The following KAT7 variants were observed in gnomAD, a reference collection of about 807,000 sequenced individuals.
The protein encoded by KAT7 is lysine acetyltransferase 7.
KAT7 carries 10 observed loss-of-function variants against 82.1 expected under a neutral mutation model. The observed-to-expected ratio is 0.12, with a 90% confidence interval of 0.08 to 0.21. The LOEUF (loss-of-function observed/expected upper bound fraction) is 0.21, where lower values mean the gene tolerates loss of function less well. Among genes scored for constraint, KAT7 ranks in the 10% least tolerant of loss-of-function variants. KAT7 has a pLI of 1.00. For synonymous variants in KAT7, 250 were observed against 262.5 expected, an observed-to-expected ratio of 0.95 and a Z score of 0.46; for missense variants, 378 against 760.9, an observed-to-expected ratio of 0.50 and a Z score of 5.92.
chr17:49,813,374 C>G (rs1160260380), intron 7 of KAT7, among the ~76,000 whole-genome samples: 2 of 152,162 alleles, frequency 1.3e-5, no homozygotes, highest in East Asian at 1.9e-4. Context: ...TTTATGGCTG[C>G]TCTTTTAGAT....
chr17:49,803,456 G>A (rs1044080177), intron 4 of KAT7, among the ~76,000 whole-genome samples: 12 of 150,938 alleles, frequency 8.0e-5, no homozygotes, highest in South Asian at 2.1e-4. Flanking sequence ...ATGGAGTCTC[G>A]CTTTGTCACC....
At chr17:49,790,148 T>C (rs1408157391) in intron 1 of KAT7, among the ~76,000 whole-genome samples, 2 of 152,190 alleles carry the variant, frequency 1.3e-5, no homozygotes, top group Non-Finnish European at 2.9e-5. Flanking sequence ...GTACACTTTT[T>C]AATGTCTCCT....
rs192731080 is a variant in KAT7, at chr17:49,794,993, A to G, written c.164-1757A>G. Among the ~76,000 whole-genome samples the G allele has an allele frequency of 1.2e-3, 175 of 152,108 alleles. 1 individual carries two copies. The highest frequency in any genetic ancestry group is 3.8e-4 in the Non-Finnish European group (26 of 68,004). ...TTCAGTTTTCTTCTTTAGAGAATCT[A>G]TAAGATTTCTTCAGATTTTTTTTTT... On this transcript the variant is annotated intron_variant, in intron 2 of 14. Transcript: ENST00000259021.
intron 12 of KAT7, 34 bp from the exon 13 acceptor site, chr17:49,825,966 T>G: frequency 6.3e-7 from 1 of 1,589,708 alleles, no homozygotes; most frequent in East Asian, 2.3e-5. Flanking sequence ...AGATCGAGTG[T>G]TGCTAGAAAA....
At chr17:49,817,374 A>T (rs545016970) in intron 8 of KAT7, among the ~76,000 whole-genome samples, 3 of 152,270 alleles carry the variant, frequency 2.0e-5, no homozygotes, top group African/African-American at 7.2e-5. Flanking sequence ...TTTTTCATGT[A>T]GCTCTCTTTA....
At chr17:49,817,794 T>G in intron 8 of KAT7, 26 bp from the exon 9 acceptor site, 1 of 1,592,644 alleles carries the variant, frequency 6.3e-7, no homozygotes, top group Non-Finnish European at 8.6e-7. Context: ...CTGATCCTCC[T>G]TTGACTTTTG....
intron 9 of KAT7, among the ~76,000 whole-genome samples, chr17:49,818,398 TC>T: frequency 6.6e-6 from 1 of 152,326 alleles, no homozygotes; most frequent in South Asian, 2.1e-4. Context: ...CACCTTCATA[TC>T]CCTAGCAACT....
Position 49,826,226 on chromosome 17 carries a change from G to A in KAT7, c.1627+80G>A, listed in dbSNP as rs115287555. 2.4e-3 allele frequency: 3,343 copies of A among 1,403,206 alleles called. 84 individuals are homozygous for A. The African/African-American group carries it at 0.043, about 18-fold the overall frequency. 86.9% of individuals were successfully genotyped at this position (1,403,206 alleles called of 1,614,324 possible). On this transcript the variant is annotated intron_variant, in intron 13 of 14. Coordinates refer to ENST00000259021, the MANE Select transcript of KAT7 (RefSeq NM_007067.5). ...TGGGTATTGTGTTTCCCCTGAATGT[G>A]AGAACGGAAGGCCCACTGAATATGG...
chr17:49,820,575 G>A (rs2074290505), intron 9 of KAT7, among the ~76,000 whole-genome samples: 1 of 152,118 alleles, frequency 6.6e-6, no homozygotes, highest in African/African-American at 2.4e-5. Context: ...CACCGCATCA[G>A]GCCTTAAACA....
chr17:49,790,450 G>T (rs2073872342), intron 1 of KAT7, among the ~76,000 whole-genome samples: 1 of 152,170 alleles, frequency 6.6e-6, no homozygotes, highest in Admixed American at 6.5e-5. Flanking sequence ...ACCCGCCTCG[G>T]CCTCCCAAAG....
At chr17:49,822,494 G>A (rs923477151) in intron 11 of KAT7, among the ~76,000 whole-genome samples, 5 of 152,150 alleles carry the variant, frequency 3.3e-5, no homozygotes, top group African/African-American at 1.2e-4. Context: ...GCCTCCTAAA[G>A]TGCTAGGATT....
In KAT7 at chr17:49,811,462, CT is replaced by C; in HGVS notation, c.754-9del. 8.1e-6 allele frequency: 11 copies of C among 1,360,244 alleles called. No homozygotes were observed. Among genetic ancestry groups the C allele is most frequent in the South Asian group, 1.4e-5 (1 of 73,894 alleles). The allele number at this position is 1,360,244 out of a possible 1,614,324, so 84.3% of individuals were successfully genotyped here. A position where few individuals can be genotyped will look rare whatever the true frequency, so the allele number is the denominator to read the frequency against. On this transcript the variant is annotated splice_polypyrimidine_tract_variant and intron_variant, in intron 6 of 14. Coordinates refer to ENST00000259021, the MANE Select transcript of KAT7 (RefSeq NM_007067.5). ...TAAGGAGTTTTCTCTCAGTTTTCTC[CT>C]TTTTCCTTTTAGGCACCAACGGAGA...
At position 49,810,215 on chromosome 17, in the gene KAT7, A is replaced by G. The variant is rs1268545156; in HGVS notation, c.753+1007A>G. Reference sequence around the variant, plus strand: ...AGGTAAAAAGCACTCCATAAGTGGTAACTACACTTTTCTTCGTTGTCTATC... The same window carrying G: ...AGGTAAAAAGCACTCCATAAGTGGTGACTACACTTTTCTTCGTTGTCTATC... On this transcript the variant is annotated intron_variant, in intron 6 of 14. Coordinates refer to ENST00000259021, the MANE Select transcript of KAT7 (RefSeq NM_007067.5). Among the ~76,000 whole-genome samples, 4 of 152,314 alleles carry G rather than the reference A, an allele frequency of 2.6e-5. No homozygotes were observed. In the East Asian group the frequency reaches 7.7e-4, roughly 29 times the overall value.
intron 13 of KAT7, 133 bp from the exon 14 acceptor site, chr17:49,826,557 CCTT>C (rs2074370837): frequency 7.6e-6 from 5 of 659,420 alleles, no homozygotes; most frequent in Admixed American, 4.8e-5. Flanking sequence ...TTTGTAAACT[CCTT>C]CTAAACAGAT....
At position 49,828,252 on chromosome 17, in the gene KAT7, T is replaced by A. The variant is rs1442548585; in HGVS notation, c.*750T>A. The A allele has an allele frequency of 1.3e-5, 2 of 152,132 alleles. No individual in the cohort carries two copies. Among genetic ancestry groups the A allele is most frequent in the African/African-American group, 2.4e-5 (1 of 41,408 alleles). The allele number at this position is 152,132 out of a possible 1,614,324, so 9.4% of individuals were successfully genotyped here. A position where few individuals can be genotyped will look rare whatever the true frequency, so the allele number is the denominator to read the frequency against. On this transcript the variant is annotated 3_prime_UTR_variant, in exon 15 of 15. Coordinates refer to ENST00000259021, the MANE Select transcript of KAT7 (RefSeq NM_007067.5). ...TTGGTGAAAGGGAACGGATACTACT[T>A]TTTGCCTCACCGTAAAGTACTCACT...
Position 49,830,178 on chromosome 17 carries a change from T to C in KAT7, c.*2676T>C, listed in dbSNP as rs2074411783. 1 of 130,504 alleles carries C rather than the reference T, an allele frequency of 7.7e-6. No individual in the cohort carries two copies. The highest frequency in any genetic ancestry group is 1.6e-5 in the Non-Finnish European group (1 of 61,490). 8.1% of individuals were successfully genotyped at this position (130,504 alleles called of 1,614,324 possible). On this transcript the variant is annotated 3_prime_UTR_variant, in exon 15 of 15. Coordinates refer to ENST00000259021, the MANE Select transcript of KAT7 (RefSeq NM_007067.5). ...CAGGCGTGAGCCACTGCACCCGACC[T>C]ATTTTTTTTTTTTTTTTTTTTTTTT... is the stretch of plus-strand genomic sequence containing the variant.
chr17:49,798,018 G>A (rs1216666587), intron 3 of KAT7, among the ~76,000 whole-genome samples: 1 of 152,252 alleles, frequency 6.6e-6, no homozygotes, highest in Non-Finnish European at 1.5e-5. Flanking sequence ...AAGTGGGATA[G>A]TAATGTTTTA....
At chr17:49,818,084 C>A in intron 9 of KAT7, 73 bp downstream of exon 9, 3 of 1,255,376 alleles carry the variant, frequency 2.4e-6, no homozygotes, top group Non-Finnish European at 3.4e-6. Flanking sequence ...TTTGCCATAG[C>A]GATGGCATCT....
chr17:49,796,685 A>G, intron 2 of KAT7, 65 bp from the exon 3 acceptor site: 3 of 1,297,042 alleles, frequency 2.3e-6, no homozygotes, highest in Middle Eastern at 2.8e-4. Flanking sequence ...CTGATAAATT[A>G]TATGGATAGG....
Sources: allele counts gnomAD v4.1 joint callset (sites outside exome capture counted in the v4.1 genomes callset), GRCh38; gene constraint gnomAD v4.1.1; transcripts MANE v1.5; gene names NCBI Gene and HGNC (gene_info 2026-07-23, HGNC 2026-07-21).